The following RFX1 variants were observed in gnomAD, a reference collection of about 807,000 sequenced individuals.
RFX1 encodes MHC class II regulatory factor RFX1.
In RFX1, 42 loss-of-function variants were observed where a neutral mutation model predicts 119.6. That is an observed-to-expected ratio of 0.35 (90% confidence interval 0.27 to 0.45). RFX1 has a LOEUF of 0.45. RFX1 is among the 20% of genes least tolerant of loss of function. The pLI, the probability that RFX1 is intolerant of heterozygous loss-of-function variation, is 1.00. For missense variants in RFX1, 1,118 were observed against 1,368.1 expected, an observed-to-expected ratio of 0.82 and a Z score of 2.88; for synonymous variants, 628 against 618.5, an observed-to-expected ratio of 1.02 and a Z score of -0.23.
At chr19:13,971,803 A>G (rs1974089063) in intron 9 of RFX1, among the ~76,000 whole-genome samples, 1 of 151,992 alleles carries the variant, frequency 6.6e-6, no homozygotes, top group South Asian at 2.1e-4. Flanking sequence ...AGGTCAGGAA[A>G]TCGAGACCAT....
rs914257545 is a variant in RFX1, at chr19:13,990,407, G to A, written c.319+3118C>T. Among the ~76,000 whole-genome samples, 5 of 152,214 alleles carry A rather than the reference G, an allele frequency of 3.3e-5. No individual in the cohort carries two copies. The highest frequency in any genetic ancestry group is 1.9e-4 in the East Asian group (1 of 5,164). ...GGAGAAAATGGGGGCTTGGCTGGGC[G>A]CGGTGGCTCACACTTGTAATTCCAG... On this transcript the variant is annotated intron_variant, in intron 2 of 20. Transcript: ENST00000254325. The surrounding 1 kb of genome is among the most constrained non-coding windows in gnomAD (Gnocchi z 4.1).
Position 13,963,936 on chromosome 19 carries a change from C to T in RFX1, c.2283G>A (p.Ala761=), listed in dbSNP as rs767597052. 4 of 1,545,948 alleles carry T rather than the reference C, an allele frequency of 2.6e-6. No individual in the cohort carries two copies. The highest frequency in any genetic ancestry group is 1.2e-5 in the South Asian group (1 of 84,048). ...GTGCGGTGTTCTGCAGCACAGCGCG[C>T]GCCGCCTGCGCCAGGTGGTTGAGCG... ...YTSLNHLAQA[A]RAVLQNTAQI... Residue 761 remains alanine (A), a synonymous_variant, in exon 17 of 21, where the codon GCG becomes GCA. Coordinates refer to ENST00000254325, the MANE Select transcript of RFX1 (RefSeq NM_002918.5).
intron 1 of RFX1, among the ~76,000 whole-genome samples, chr19:14,002,760 C>G (rs992305843): frequency 2.0e-5 from 3 of 152,188 alleles, no homozygotes; most frequent in African/African-American, 7.2e-5. Context: ...CTAGGAAGAC[C>G]ACGTCCTGTA....
At chr19:13,964,465 G>C (rs894581019) in intron 16 of RFX1, among the ~76,000 whole-genome samples, 2 of 151,130 alleles carry the variant, frequency 1.3e-5, no homozygotes, top group South Asian at 4.2e-4. Flanking sequence ...ACACTGCTTT[G>C]ATAAACACGT....
rs147538711 is a variant in RFX1 at position 13,986,645 on chromosome 19, G to A, written c.320-3050C>T. On this transcript the variant is annotated intron_variant, in intron 2 of 20. Coordinates refer to ENST00000254325, the MANE Select transcript of RFX1 (RefSeq NM_002918.5). This position sits in a 1 kb window ranked among gnomAD's most constrained non-coding sequence, Gnocchi z 4.2. ...ATCGCCACTCTGGGCATGCGCAGGA[G>A]GCCAGGGAGGCCCCCACTGTCTCAG... 2.6e-5 allele frequency among the ~76,000 whole-genome samples: 4 copies of A among 152,278 alleles called. No individual in the cohort carries two copies. Among genetic ancestry groups the A allele is most frequent in the African/African-American group, 9.6e-5 (4 of 41,538 alleles).
At chr19:13,967,211 C>T (rs374801502) in intron 12 of RFX1, among the ~76,000 whole-genome samples, 9 of 152,312 alleles carry the variant, frequency 5.9e-5, no homozygotes, top group African/African-American at 2.2e-4. Context: ...ATGTCCCGGC[C>T]TCCAGGGCAG....
chr19:13,987,748 T>C (rs184975038), intron 2 of RFX1, among the ~76,000 whole-genome samples: 101 of 152,324 alleles, frequency 6.6e-4, no homozygotes, highest in African/African-American at 2.2e-3. Flanking sequence ...GGCTGGCACC[T>C]GCCAGAATGT....
At chr19:14,006,560 G>A (rs1975389075), upstream of RFX1, 1 of 152,358 alleles carries the variant, frequency 6.6e-6, no homozygotes, top group South Asian at 2.1e-4. Flanking sequence ...AGCTGGTTAA[G>A]AATAAAGGGG....
rs1973860486 is a variant in RFX1, at chr19:13,965,393, G to C, written c.2211+56C>G. 6 of 1,488,288 alleles carry C rather than the reference G, an allele frequency of 4.0e-6. No individual in the cohort carries two copies. Among genetic ancestry groups the C allele is most frequent in the African/African-American group, 1.4e-5 (1 of 72,590 alleles). 92.2% of individuals were successfully genotyped at this position (1,488,288 alleles called of 1,614,324 possible). On this transcript the variant is annotated intron_variant, in intron 16 of 20. Transcript: ENST00000254325. The surrounding 1 kb of genome is among the most constrained non-coding windows in gnomAD (Gnocchi z 4.7). Reference sequence around the variant, plus strand: ...AATTTTACCGCCCCTGGGGAGCAGAGGAGACGGAGGCCTAAGCCCCAGAGA... The same window carrying C: ...AATTTTACCGCCCCTGGGGAGCAGACGAGACGGAGGCCTAAGCCCCAGAGA...
chr19:14,000,216 T>C (rs927522367), intron 1 of RFX1, among the ~76,000 whole-genome samples: 2 of 152,170 alleles, frequency 1.3e-5, no homozygotes, highest in South Asian at 4.1e-4. Flanking sequence ...CCGGGCGTGG[T>C]GGCTTATGCC....
rs1373709913 is a variant in RFX1, at chr19:13,969,263, C to CA, written c.1497-370dup. 1.3e-5 allele frequency among the ~76,000 whole-genome samples: 2 copies of CA among 152,124 alleles called. No individual in the cohort carries two copies. The highest frequency in any genetic ancestry group is 1.5e-5 in the Non-Finnish European group (1 of 68,036). Reference sequence around the variant, plus strand: ...TCCTTCCCGCATGAATTTACTGACTCACAGACCCTGATGAAGCACTGACTA... The same window carrying CA: ...TCCTTCCCGCATGAATTTACTGACTCAACAGACCCTGATGAAGCACTGACTA... On this transcript the variant is annotated intron_variant, in intron 10 of 20. Transcript: ENST00000254325. The surrounding 1 kb of genome is among the most constrained non-coding windows in gnomAD (Gnocchi z 4.5).
chr19:13,970,915 C>T (rs1974058065), intron 9 of RFX1, among the ~76,000 whole-genome samples: 1 of 151,558 alleles, frequency 6.6e-6, no homozygotes, highest in Admixed American at 6.6e-5. Flanking sequence ...ACTTGGGAGG[C>T]AGAGGTTGCA....
Position 13,980,731 on chromosome 19 carries a change from T to TGCTTCCTCTCTGGGGTGGGCTC in RFX1, c.622-43_622-42insGAGCCCACCCCAGAGAGGAAGC. On this transcript the variant is annotated intron_variant, in intron 5 of 20. Transcript: ENST00000254325. This position sits in a 1 kb window ranked among gnomAD's most constrained non-coding sequence, Gnocchi z 5.1. ...CACAGGAGTGCCGCTGGGGTGGGCT[T>TGCTTCCTCTCTGGGGTGGGCTC]GCATCCTCTCTGAGGTGGGCTCACA... The TGCTTCCTCTCTGGGGTGGGCTC allele has an allele frequency of 1.7e-6, 2 of 1,201,552 alleles. No homozygotes were observed. The highest frequency in any genetic ancestry group is 2.4e-6 in the Non-Finnish European group (2 of 842,374). The allele number at this position is 1,201,552 out of a possible 1,614,324, so 74.4% of individuals were successfully genotyped here. A position where few individuals can be genotyped will look rare whatever the true frequency, so the allele number is the denominator to read the frequency against.
chr19:13,994,893 CATATATAT>C (rs566150731), intron 1 of RFX1, among the ~76,000 whole-genome samples: 4,888 of 59,104 alleles, frequency 0.083, 275 homozygotes, highest in African/African-American at 0.15. Context: ...AATATACATA[CATATATAT>C]ATATATATAT....
Position 13,962,528 on chromosome 19 carries a change from C to CTGA in RFX1, c.*164_*166dup. ...TGCAGCTGCGGCTCCGCCCAGCCCA[C>CTGA]TGATTGTGCCGGCCCCATAAGGGAG... On this transcript the variant is annotated 3_prime_UTR_variant, in exon 21 of 21. Transcript: ENST00000254325. The CTGA allele has an allele frequency of 1.7e-6, 1 of 598,154 alleles. No homozygotes were observed. Among genetic ancestry groups the CTGA allele is most frequent in the East Asian group, 3.3e-5 (1 of 30,714 alleles). 37.1% of individuals were successfully genotyped at this position (598,154 alleles called of 1,614,324 possible).
intron 1 of RFX1, among the ~76,000 whole-genome samples, chr19:13,994,911 T>TATATATATATATATATATATATAA (rs1974951021): frequency 2.3e-5 from 2 of 87,162 alleles, no homozygotes; most frequent in African/African-American, 8.5e-5. Context: ...TATATATATA[T>TATATATATATATATATATATATAA]ATATATATAT....
intron 1 of RFX1, among the ~76,000 whole-genome samples, chr19:14,004,297 C>G (rs1975304591): frequency 6.6e-6 from 1 of 152,056 alleles, no homozygotes; most frequent in South Asian, 2.1e-4. Context: ...ATCTCGAGGT[C>G]AAGAGATCAA....
chr19:13,962,485 G>T lies in RFX1; in HGVS notation c.*210C>A. The T allele has an allele frequency of 1.9e-6, 1 of 537,308 alleles. No individual in the cohort carries two copies. The highest frequency in any genetic ancestry group is 2.3e-5 in the South Asian group (1 of 43,308). 33.3% of individuals were successfully genotyped at this position (537,308 alleles called of 1,614,324 possible). A position where few individuals can be genotyped will look rare whatever the true frequency, so the allele number is the denominator to read the frequency against. On this transcript the variant is annotated 3_prime_UTR_variant, in exon 21 of 21. Coordinates refer to ENST00000254325, the MANE Select transcript of RFX1 (RefSeq NM_002918.5). ...GCACGCGGCGGGTTCCTTAAGGCACGTCTTTTGTGTCAGAGTTTGCAGCTG... is the reference window on the plus strand; with the variant it reads ...GCACGCGGCGGGTTCCTTAAGGCACTTCTTTTGTGTCAGAGTTTGCAGCTG...
At chr19:13,978,971 G>C (rs1974344089) in intron 7 of RFX1, among the ~76,000 whole-genome samples, 1 of 151,716 alleles carries the variant, frequency 6.6e-6, no homozygotes, top group East Asian at 1.9e-4. Flanking sequence ...CTGCCTAGCT[G>C]CGGGGCCTCG....
Sources: allele counts gnomAD v4.1 joint callset (sites outside exome capture counted in the v4.1 genomes callset), GRCh38; gene constraint gnomAD v4.1.1; non-coding constraint Gnocchi (gnomAD v3.1); transcripts MANE v1.5; gene names NCBI Gene and HGNC (gene_info 2026-07-23, HGNC 2026-07-21).